The following GPR158 variants were observed in gnomAD, a reference collection of about 807,000 sequenced individuals.
GPR158 encodes metabotropic glycine receptor.
In GPR158, 30 loss-of-function variants were observed where a neutral mutation model predicts 78.2. That is an observed-to-expected ratio of 0.38 (90% CI 0.29 to 0.52). The LOEUF is 0.52. GPR158 is among the 20% of genes least tolerant of loss of function. GPR158 has a pLI of 0.83. For missense variants in GPR158, 1,463 were observed against 1,523.5 expected (o/e 0.96, Z 0.66); for synonymous variants, 581 against 591.1 (o/e 0.98, Z 0.25).
In GPR158 at chr10:25,601,590, T is replaced by G. The variant is rs1045653662; in HGVS notation, c.*2316T>G. The stretch of plus-strand genomic sequence containing the variant: ...CTTGCCAAATTATATCTTAGCGACA[T>G]TCTATAGTTCATAGATTATTCTCCA... On this transcript the variant is annotated 3_prime_UTR_variant, in exon 11 of 11. Coordinates refer to ENST00000376351, the MANE Select transcript of GPR158 (RefSeq NM_020752.3). The G allele has an allele frequency of 6.6e-6, 1 of 152,648 alleles. No individual in the cohort carries two copies. Among genetic ancestry groups the G allele is most frequent in the Non-Finnish European group, 1.5e-5 (1 of 68,044 alleles). 9.5% of individuals were successfully genotyped at this position (152,648 alleles called of 1,614,324 possible). A position where few individuals can be genotyped will look rare whatever the true frequency, so the allele number is the denominator to read the frequency against.
chr10:25,502,310 G>A (rs924306967), intron 5 of GPR158, among the ~76,000 whole-genome samples: 1 of 152,130 alleles, frequency 6.6e-6, no homozygotes, highest in African/African-American at 2.4e-5. Context: ...CCCGTGACAG[G>A]GGAGAAAACT....
At chr10:25,203,189 C>T (rs990156482) in intron 1 of GPR158, among the ~76,000 whole-genome samples, 6 of 152,136 alleles carry the variant, frequency 3.9e-5, no homozygotes, top group African/African-American at 9.7e-5. Context: ...AACATTTACT[C>T]CCATTCTGTA....
At chr10:25,330,302 C>T (rs1158831812) in intron 2 of GPR158, among the ~76,000 whole-genome samples, 1 of 152,130 alleles carries the variant, frequency 6.6e-6, no homozygotes, top group Non-Finnish European at 1.5e-5. Context: ...TCCCCAGTGG[C>T]AATGACTCAC....
At chr10:25,370,780 C>T (rs1311912024) in intron 2 of GPR158, among the ~76,000 whole-genome samples, 1 of 149,620 alleles carries the variant, frequency 6.7e-6, no homozygotes, top group Non-Finnish European at 1.5e-5. Flanking sequence ...TTAAAGTCTC[C>T]CATTGTTATT....
intron 2 of GPR158, among the ~76,000 whole-genome samples, chr10:25,307,327 C>T (rs977300112): frequency 6.7e-6 from 1 of 149,834 alleles, no homozygotes. Flanking sequence ...ACACACACTC[C>T]TTTTTCTTTC....
intron 5 of GPR158, among the ~76,000 whole-genome samples, chr10:25,480,647 T>C (rs7912315): frequency 0.013 from 1,950 of 152,360 alleles, 48 homozygotes; most frequent in African/African-American, 0.044. Flanking sequence ...TTTATCTATC[T>C]TGTAGCATGT....
chr10:25,300,668 G>A (rs1321089238), intron 2 of GPR158, among the ~76,000 whole-genome samples: 1 of 152,120 alleles, frequency 6.6e-6, no homozygotes, highest in Non-Finnish European at 1.5e-5. Context: ...TTGCTGAAGA[G>A]ATAAGAATAA....
At chr10:25,383,482 G>A (rs1275214145) in intron 2 of GPR158, among the ~76,000 whole-genome samples, 2 of 152,252 alleles carry the variant, frequency 1.3e-5, no homozygotes, top group East Asian at 1.9e-4. Flanking sequence ...AGGCACAAGG[G>A]GGGTTTCGTT....
chr10:25,391,630 A>C (rs1453985756), intron 2 of GPR158, among the ~76,000 whole-genome samples: 1 of 152,200 alleles, frequency 6.6e-6, no homozygotes, highest in Non-Finnish European at 1.5e-5. Flanking sequence ...GTATCCAGGA[A>C]GTAACTGACT....
chr10:25,575,168 G>C (rs910859429), intron 7 of GPR158, among the ~76,000 whole-genome samples: 1 of 152,096 alleles, frequency 6.6e-6, no homozygotes, highest in African/African-American at 2.4e-5. Flanking sequence ...AATACATTGT[G>C]AGTAATGCTA....
intron 2 of GPR158, among the ~76,000 whole-genome samples, chr10:25,306,141 T>C (rs917671943): frequency 1.3e-5 from 2 of 152,180 alleles, no homozygotes; most frequent in African/African-American, 4.8e-5. Flanking sequence ...TAATCTGTTA[T>C]CTCTCTACCA....
intron 1 of GPR158, among the ~76,000 whole-genome samples, chr10:25,184,999 C>T (rs7918295): frequency 0.1 from 15,820 of 152,250 alleles, 2,435 homozygotes; most frequent in African/African-American, 0.34. Flanking sequence ...GTCTTATTCA[C>T]TGTAAGATGT....
Position 25,175,671 on chromosome 10 carries a change from C to G in GPR158, c.251C>G (p.Ser84Cys). 2.5e-6 allele frequency: 4 copies of G among 1,611,668 alleles called. No homozygotes were observed. The highest frequency in any genetic ancestry group is 3.4e-6 in the Non-Finnish European group (4 of 1,179,952). The change falls in exon 1 of 11, where the codon TCT (serine) becomes TGT (cysteine). Residue 84 changes from serine to cysteine, a missense_variant. Physicochemically the swap from Ser to Cys is moderately radical, Grantham distance 112. Coordinates refer to ENST00000376351, the MANE Select transcript of GPR158 (RefSeq NM_020752.3). This position sits in a 1 kb window ranked among gnomAD's most constrained non-coding sequence, Gnocchi z 6.4. ...GAGGAGGTGCCCATGGACGTGGCCTCTTACCTCTACACCGGGGACTCCCAC... is the reference window on the plus strand; with the variant it reads ...GAGGAGGTGCCCATGGACGTGGCCTGTTACCTCTACACCGGGGACTCCCAC... ...LAEEVPMDVA[S>C]YLYTGDSHQL...
intron 5 of GPR158, among the ~76,000 whole-genome samples, chr10:25,500,657 GTTTTC>G (rs1835938158): frequency 6.6e-6 from 1 of 152,144 alleles, no homozygotes; most frequent in South Asian, 2.1e-4. Flanking sequence ...ATTTTTCTCT[GTTTTC>G]TTTGCTGACC....
At position 25,287,603 on chromosome 10, in the gene GPR158, C is replaced by T. The variant is rs1221647051; in HGVS notation, c.1008+66446C>T. 2.6e-5 allele frequency among the ~76,000 whole-genome samples: 4 copies of T among 152,052 alleles called. No homozygotes were observed. The East Asian group carries it at 7.7e-4, about 29-fold the overall frequency. The stretch of plus-strand genomic sequence containing the variant: ...ACATTTTATATTCTTGACTAGCCCA[C>T]GTTTAACCTTTACCAATTTACTTAA... On this transcript the variant is annotated intron_variant, in intron 2 of 10. Transcript: ENST00000376351.
chr10:25,403,656 A>G (rs770560173), intron 3 of GPR158, among the ~76,000 whole-genome samples: 172 of 152,148 alleles, frequency 1.1e-3, no homozygotes, highest in Non-Finnish European at 1.7e-3. Flanking sequence ...GGTTTCATCA[A>G]ACAGATTTGC....
At chr10:25,282,946 T>C (rs1481328265) in intron 2 of GPR158, among the ~76,000 whole-genome samples, 1 of 152,132 alleles carries the variant, frequency 6.6e-6, no homozygotes, top group Non-Finnish European at 1.5e-5. Flanking sequence ...TCTATGATAA[T>C]GAGAGGTATC....
At chr10:25,418,127 C>A (rs1365911553) in intron 4 of GPR158, among the ~76,000 whole-genome samples, 1 of 152,122 alleles carries the variant, frequency 6.6e-6, no homozygotes, top group African/African-American at 2.4e-5. Context: ...GTTCTCTGTT[C>A]TCAAATGAAA....
At chr10:25,369,429 G>A (rs1282673232) in intron 2 of GPR158, among the ~76,000 whole-genome samples, 2 of 149,206 alleles carry the variant, frequency 1.3e-5, no homozygotes, top group Non-Finnish European at 3.0e-5. Context: ...AGATAATCAT[G>A]TGGTTTTTGT....
Sources: gnomAD v4.1 joint callset for allele counts (sites outside exome capture counted in the v4.1 genomes callset) on GRCh38, gnomAD v4.1.1 for gene constraint, Gnocchi (gnomAD v3.1) non-coding constraint, MANE v1.5 for transcripts, NCBI Gene and HGNC (gene_info 2026-07-23, HGNC 2026-07-21) for gene names.